Variants in ARHGEF38 observed in about 807,000 individuals in gnomAD.
The protein encoded by ARHGEF38 is Rho guanine nucleotide exchange factor 38.
Under a neutral mutation model 79.9 loss-of-function variants are expected in ARHGEF38, and 79 were observed. That is an observed-to-expected ratio of 0.99 (90% CI 0.82 to 1.19). The LOEUF (loss-of-function observed/expected upper bound fraction) is 1.19. Ranked by LOEUF, ARHGEF38 falls within the 50% of genes most tolerant of loss-of-function variation. ARHGEF38 has a pLI of 0.00. For synonymous variants in ARHGEF38, 366 were observed against 328.3 expected, an observed-to-expected ratio of 1.11 and a Z score of -1.24; for missense variants, 962 against 907.2, an observed-to-expected ratio of 1.06 and a Z score of -0.78.
intron 10 of ARHGEF38, among the ~76,000 whole-genome samples, chr4:105,662,187 A>G (rs144593276): frequency 2.0e-5 from 3 of 152,294 alleles, no homozygotes; most frequent in African/African-American, 4.8e-5. Flanking sequence ...GAGTCTTCAC[A>G]TATGAGGGCT....
Position 105,552,779 on chromosome 4 carries a change from A to C in ARHGEF38, c.14A>C (p.Glu5Ala). 1 of 1,610,188 alleles carries C rather than the reference A, an allele frequency of 6.2e-7. No homozygotes were observed. The highest frequency in any genetic ancestry group is 8.5e-7 in the Non-Finnish European group (1 of 1,178,750). Residue 5 changes from glutamate to alanine, a missense_variant, in exon 1 of 14, where the codon GAA becomes GCA. Coordinates refer to ENST00000420470, the MANE Select transcript of ARHGEF38 (RefSeq NM_001242729.2). ...TCTTTGCCTAATATGGAGCCCAAAG[A>C]AGCCACTGGGAAAGAAAACATGGTC... MEPKEATGKENMVTK... is the reference protein window; with the variant it reads MEPKAATGKENMVTK...
At chr4:105,610,480 T>C (rs1728246072) in intron 2 of ARHGEF38, among the ~76,000 whole-genome samples, 2 of 152,102 alleles carry the variant, frequency 1.3e-5, no homozygotes, top group African/African-American at 4.8e-5. Flanking sequence ...TAATTCAACT[T>C]AAGCTTTTAG....
At chr4:105,676,844 A>G (rs1040302900) in intron 13 of ARHGEF38, among the ~76,000 whole-genome samples, 1 of 152,178 alleles carries the variant, frequency 6.6e-6, no homozygotes, top group Non-Finnish European at 1.5e-5. Flanking sequence ...CAAAGAAACA[A>G]TAATATTAGA....
chr4:105,644,126 C>T (rs1729739695), intron 5 of ARHGEF38, among the ~76,000 whole-genome samples: 1 of 152,052 alleles, frequency 6.6e-6, no homozygotes, highest in Non-Finnish European at 1.5e-5. Flanking sequence ...CCTTGGCCTC[C>T]CAAAGTGCTG....
chr4:105,666,772 T>A (rs1417330121), intron 11 of ARHGEF38, among the ~76,000 whole-genome samples: 2 of 152,200 alleles, frequency 1.3e-5, no homozygotes, highest in Non-Finnish European at 2.9e-5. Context: ...GATAAAGACA[T>A]GTACATGTAC....
At chr4:105,641,148 C>A (rs890840939) in intron 5 of ARHGEF38, among the ~76,000 whole-genome samples, 3 of 151,338 alleles carry the variant, frequency 2.0e-5, no homozygotes, top group African/African-American at 7.3e-5. Context: ...TTTCTATTTT[C>A]TATTCTTTTG....
chr4:105,629,329 G>A (rs1225351672), intron 3 of ARHGEF38, among the ~76,000 whole-genome samples: 1 of 152,034 alleles, frequency 6.6e-6, no homozygotes, highest in Non-Finnish European at 1.5e-5. Flanking sequence ...CCTCTAGACA[G>A]GACTTCGGGA....
At chr4:105,667,032 T>C in intron 11 of ARHGEF38, 97 bp from the exon 12 acceptor site, 2 of 1,059,268 alleles carry the variant, frequency 1.9e-6, no homozygotes, top group Non-Finnish European at 2.7e-6. Flanking sequence ...ATATGACTCC[T>C]ACGTTTTAAA....
intron 8 of ARHGEF38, among the ~76,000 whole-genome samples, chr4:105,655,031 C>A (rs982844599): frequency 2.0e-5 from 3 of 152,128 alleles, no homozygotes; most frequent in African/African-American, 7.2e-5. Flanking sequence ...TGATACAAAG[C>A]CTACTTTACA....
chr4:105,609,037 G>A (rs1350616346), intron 2 of ARHGEF38, among the ~76,000 whole-genome samples: 3 of 151,918 alleles, frequency 2.0e-5, no homozygotes, highest in Non-Finnish European at 4.4e-5. Flanking sequence ...TCTATTTTTG[G>A]TTTTGTTTCC....
chr4:105,564,928 G>A (rs1165272683), intron 1 of ARHGEF38, among the ~76,000 whole-genome samples: 1 of 152,156 alleles, frequency 6.6e-6, no homozygotes, highest in African/African-American at 2.4e-5. Context: ...TTAAGCTTGG[G>A]TCAGGAAAGG....
At chr4:105,586,670 C>A (rs1052987836) in intron 1 of ARHGEF38, among the ~76,000 whole-genome samples, 2 of 152,172 alleles carry the variant, frequency 1.3e-5, no homozygotes, top group Non-Finnish European at 2.9e-5. Flanking sequence ...TTGCTAGGAT[C>A]CCAAATAATT....
chr4:105,658,277 T>C (rs77813640), intron 9 of ARHGEF38, among the ~76,000 whole-genome samples: 159 of 152,234 alleles, frequency 1.0e-3, no homozygotes, highest in African/African-American at 3.8e-3. Flanking sequence ...AGCGTGGTGA[T>C]ACATTCCTGT....
chr4:105,602,814 T>TG (rs1727881856), intron 2 of ARHGEF38, among the ~76,000 whole-genome samples: 1 of 152,080 alleles, frequency 6.6e-6, no homozygotes, highest in African/African-American at 2.4e-5. Context: ...TTGACAAAGG[T>TG]AGTTGTTCAA....
At chr4:105,620,479 GAT>G (rs1228094112) in intron 3 of ARHGEF38, among the ~76,000 whole-genome samples, 3 of 152,122 alleles carry the variant, frequency 2.0e-5, no homozygotes, top group Non-Finnish European at 4.4e-5. Context: ...TCCAATAGAT[GAT>G]GTTATAAATT....
intron 1 of ARHGEF38, among the ~76,000 whole-genome samples, chr4:105,586,012 T>C (rs1019557353): frequency 6.6e-6 from 1 of 152,116 alleles, no homozygotes; most frequent in African/African-American, 2.4e-5. Context: ...ATTACAGGCA[T>C]GAGCCACTGC....
chr4:105,635,673 T>C (rs568741531), intron 4 of ARHGEF38, among the ~76,000 whole-genome samples: 1 of 152,110 alleles, frequency 6.6e-6, no homozygotes, highest in Non-Finnish European at 1.5e-5. Flanking sequence ...GAAGGAAGCA[T>C]GTGAGCTTAA....
At chr4:105,560,766 C>T (rs910751008) in intron 1 of ARHGEF38, among the ~76,000 whole-genome samples, 4 of 152,190 alleles carry the variant, frequency 2.6e-5, no homozygotes, top group African/African-American at 9.6e-5. Context: ...GTCATGTCAT[C>T]TAGCTACTAC....
Position 105,680,288 on chromosome 4 carries a change from A to G in ARHGEF38, c.*2351A>G, listed in dbSNP as rs1420619874. The stretch of plus-strand genomic sequence containing the variant: ...AAAATAGAAAAATGATAGTCACCAC[A>G]TATCTACTAATGGGATTAAAATGTA... On this transcript the variant is annotated 3_prime_UTR_variant, in exon 14 of 14. Coordinates refer to ENST00000420470, the MANE Select transcript of ARHGEF38 (RefSeq NM_001242729.2). The G allele has an allele frequency of 8.6e-6, 3 of 348,676 alleles. No individual in the cohort carries two copies. Among genetic ancestry groups the G allele is most frequent in the East Asian group, 6.7e-5 (1 of 14,918 alleles). The allele number at this position is 348,676 out of a possible 1,614,324, so 21.6% of individuals were successfully genotyped here.
Sources: gnomAD v4.1 joint callset for allele counts (sites outside exome capture counted in the v4.1 genomes callset) on GRCh38, gnomAD v4.1.1 for gene constraint, MANE v1.5 for transcripts, NCBI Gene and HGNC (gene_info 2026-07-23, HGNC 2026-07-21) for gene names.